MYH9: variants seen among roughly 807,000 people sequenced by gnomAD.
MYH9 encodes the protein myosin heavy chain 9.
A neutral mutation model predicts 241.9 loss-of-function variants in MYH9; 29 were observed. The observed-to-expected ratio is 0.12, with a 90% CI of 0.09 to 0.16. The LOEUF is 0.16. Among genes scored for constraint, MYH9 ranks in the 10% least tolerant of loss-of-function variants. The pLI is 1.00. For missense variants in MYH9, 1,803 were observed against 2,595.5 expected (o/e 0.69, Z 6.63); for synonymous variants, 1,047 against 1,062.6 (o/e 0.99, Z 0.29).
chr22:36,312,807 C>T (rs1204056602), intron 13 of MYH9, among the ~76,000 whole-genome samples: 3 of 152,212 alleles, frequency 2.0e-5, no homozygotes, highest in Non-Finnish European at 4.4e-5. Flanking sequence ...GAAAAAAGCT[C>T]ATTACAAAAG....
Position 36,360,603 on chromosome 22 carries a change from C to T in MYH9, c.-19-11348G>A, listed in dbSNP as rs190058483. On this transcript the variant is annotated intron_variant, in intron 1 of 40. Coordinates refer to ENST00000216181, the MANE Select transcript of MYH9 (RefSeq NM_002473.6). ...TGGCGGGCACCTGTAGTCCCAGCTACTCTGGAGGCTGAGGCAGGAGAATGG... is the reference window on the plus strand; with the variant it reads ...TGGCGGGCACCTGTAGTCCCAGCTATTCTGGAGGCTGAGGCAGGAGAATGG... Among the ~76,000 whole-genome samples, 165 of 151,716 alleles carry T rather than the reference C, an allele frequency of 1.1e-3. 1 individual carries two copies. The highest frequency in any genetic ancestry group is 2.1e-3 in the East Asian group (11 of 5,152).
intron 1 of MYH9, among the ~76,000 whole-genome samples, chr22:36,369,490 G>A (rs770652407): frequency 2.0e-5 from 3 of 152,196 alleles, no homozygotes; most frequent in Admixed American, 6.5e-5. Context: ...ACGAGGGGGC[G>A]GTATCCATTC....
rs2016775758 is a variant in MYH9 at position 36,295,577 on chromosome 22, C to T, written c.3413G>A (p.Gly1138Glu). 1.2e-6 allele frequency: 2 copies of T among 1,614,020 alleles called. No individual in the cohort carries two copies. The highest frequency in any genetic ancestry group is 1.7e-6 in the Non-Finnish European group (2 of 1,180,034). ...TGTTTTCAGAGCCTCTAGCTCTTCCCCAAGGTCCCGTTTCTGCTTCTCAGC... is the reference window on the plus strand; with the variant it reads ...TGTTTTCAGAGCCTCTAGCTCTTCCTCAAGGTCCCGTTTCTGCTTCTCAGC... ...NKAEKQKRDL[G>E]EELEALKTEL... The change falls in exon 26 of 41, where the codon GGG becomes GAG. Residue 1138 changes from glycine (G) to glutamate (E), a missense_variant. Around this residue, in one of 11 missense-constraint regions of MYH9, gnomAD observed 11 missense variants for 37.1 expected, o/e 0.30. Transcript: ENST00000216181. This position sits in a 1 kb window ranked among gnomAD's most constrained non-coding sequence, Gnocchi z 4.1.
chr22:36,327,949 T>C (rs1603483584), intron 3 of MYH9, among the ~76,000 whole-genome samples: 1 of 151,952 alleles, frequency 6.6e-6, no homozygotes, highest in African/African-American at 2.4e-5. Flanking sequence ...GAAGGAGGGG[T>C]GACGAGGCCT....
At chr22:36,292,503 C>T (rs2016722438) in intron 30 of MYH9, among the ~76,000 whole-genome samples, 1 of 152,234 alleles carries the variant, frequency 6.6e-6, no homozygotes, top group Non-Finnish European at 1.5e-5. Flanking sequence ...CACATCCACA[C>T]CAAGCCTCTT....
Position 36,327,438 on chromosome 22 carries a change from T to C in MYH9, c.518+23A>G, listed in dbSNP as rs144857384. 794 of 1,613,840 alleles carry C rather than the reference T, an allele frequency of 4.9e-4. 8 individuals carry two copies. The African/African-American group carries it at 8.7e-3, about 18-fold the overall frequency. ...AACAGACTGGGGTGAAACGAACCAC[T>C]ACCCAGACGGAGAAATACTTACGTG... On this transcript the variant is annotated intron_variant, in intron 4 of 40. Transcript: ENST00000216181.
At chr22:36,358,447 G>A (rs1363440553) in intron 1 of MYH9, among the ~76,000 whole-genome samples, 1 of 152,018 alleles carries the variant, frequency 6.6e-6, no homozygotes. Flanking sequence ...TGGGACAGCC[G>A]GATTATTTCC....
In MYH9 at chr22:36,326,604, C is replaced by T. The variant is rs369880291; in HGVS notation, c.576G>A (p.Ala192=). Residue 192 remains alanine, a synonymous_variant, in exon 5 of 41, where the codon GCG becomes GCA. Coordinates refer to ENST00000216181, the MANE Select transcript of MYH9 (RefSeq NM_002473.6). ...ENTKKVIQYL[A]YVASSHKSKK... ...TGCTCTTGTGCGAGGACGCCACGTA[C>T]GCCAGATACTGGATGACCTTCTTGG... is the stretch of plus-strand genomic sequence containing the variant. 21 of 1,614,130 alleles carry T rather than the reference C, an allele frequency of 1.3e-5. No homozygotes were observed. The highest frequency in any genetic ancestry group is 9.9e-5 in the South Asian group (9 of 91,086).
rs751641404 is a variant in MYH9 at position 36,292,094 on chromosome 22, C to T, written c.4236G>A (p.Glu1412=). 7.0e-5 allele frequency: 113 copies of T among 1,614,092 alleles called. 1 individual carries two copies. In the Admixed American group the frequency reaches 1.4e-3, roughly 20 times the overall value. The part of the protein sequence containing the change: ...EEKVAAYDKL[E]KTKTRLQQEL... ...CCTGCTGCAGCCGCGTCTTGGTCTT[C>T]TCCAGCTTGTCGTAGGCGGCCACCT... The change falls in exon 31 of 41, where the codon GAG becomes GAA. Residue 1412 remains glutamate, a synonymous_variant. Coordinates refer to ENST00000216181, the MANE Select transcript of MYH9 (RefSeq NM_002473.6).
intron 3 of MYH9, among the ~76,000 whole-genome samples, chr22:36,335,255 G>C: frequency 6.6e-6 from 1 of 152,248 alleles, no homozygotes; most frequent in East Asian, 1.9e-4. Flanking sequence ...CACAGTAGGT[G>C]CTCAGCTCAG....
chr22:36,295,986 T>C lies in MYH9; in HGVS notation c.3273-269A>G, dbSNP rs373540269. ...TCAAATATTTTTAAAAGTCAAATGA[T>C]GTGTTAAATGGGAAGAAAAGGAAAT... On this transcript the variant is annotated intron_variant, in intron 25 of 40. Transcript: ENST00000216181. This position sits in a 1 kb window ranked among gnomAD's most constrained non-coding sequence, Gnocchi z 4.1. Among the ~76,000 whole-genome samples the C allele has an allele frequency of 2.6e-5, 4 of 152,296 alleles. No homozygotes were observed. Among genetic ancestry groups the C allele is most frequent in the East Asian group, 3.9e-4 (2 of 5,182 alleles).
chr22:36,326,360 A>C (rs944794011), intron 5 of MYH9, among the ~76,000 whole-genome samples: 9 of 152,250 alleles, frequency 5.9e-5, no homozygotes, highest in African/African-American at 9.6e-5. Flanking sequence ...TCAGAAGGCT[A>C]GGAGGCCAAG....
intron 1 of MYH9, among the ~76,000 whole-genome samples, chr22:36,379,118 T>C (rs1231500138): frequency 6.6e-6 from 1 of 152,214 alleles, no homozygotes; most frequent in Non-Finnish European, 1.5e-5. Flanking sequence ...AGAGTTAAAA[T>C]GCAAGAAGAA....
chr22:36,382,511 T>C (rs1286643830), intron 1 of MYH9, among the ~76,000 whole-genome samples: 2 of 147,248 alleles, frequency 1.4e-5, no homozygotes, highest in African/African-American at 2.5e-5. Flanking sequence ...AAATTAAAAT[T>C]ACTTGATTTT....
At chr22:36,324,941 C>A in intron 5 of MYH9, 1 of 648,614 alleles carries the variant, frequency 1.5e-6, no homozygotes, top group Admixed American at 2.4e-5. Context: ...ATCTATTTCA[C>A]TGCTCTCCGT....
intron 9 of MYH9, 109 bp from the exon 10 acceptor site, chr22:36,319,744 CACCCCCCA>C (rs2017219825): frequency 9.3e-7 from 1 of 1,076,168 alleles, no homozygotes; most frequent in African/African-American, 1.6e-5. Flanking sequence ...CAAGCAGGGA[CACCCCCCA>C]ACTCCCTGGG....
At chr22:36,298,706 G>A (rs1245847382) in intron 24 of MYH9, among the ~76,000 whole-genome samples, 3 of 152,254 alleles carry the variant, frequency 2.0e-5, no homozygotes, top group Admixed American at 2.0e-4. Context: ...GAGCAACAGG[G>A]GCCTGGAGGC....
At position 36,374,414 on chromosome 22, in the gene MYH9, G is replaced by T. The variant is rs779304861; in HGVS notation, c.-20+13393C>A. Among the ~76,000 whole-genome samples the T allele has an allele frequency of 7.9e-5, 12 of 152,352 alleles. No homozygotes were observed. The South Asian group carries it at 2.1e-3, about 26-fold the overall frequency. On this transcript the variant is annotated intron_variant, in intron 1 of 40. Coordinates refer to ENST00000216181, the MANE Select transcript of MYH9 (RefSeq NM_002473.6). Reference sequence around the variant, plus strand: ...ACGCGCCTGTAATCCCGGCTACTCGGGAGGCTGAGGCAGGAGGATTGCTTG... The same window carrying T: ...ACGCGCCTGTAATCCCGGCTACTCGTGAGGCTGAGGCAGGAGGATTGCTTG...
intron 14 of MYH9, among the ~76,000 whole-genome samples, chr22:36,310,929 T>C (rs2017053347): frequency 6.6e-6 from 1 of 152,226 alleles, no homozygotes; most frequent in Non-Finnish European, 1.5e-5. Flanking sequence ...TTTGGCTTTA[T>C]TATTTTTTTC....
Sources: allele counts gnomAD v4.1 joint callset (sites outside exome capture counted in the v4.1 genomes callset), GRCh38; gene constraint gnomAD v4.1.1; regional missense constraint gnomAD v4.1.1; non-coding constraint Gnocchi (gnomAD v3.1); transcripts MANE v1.5; gene names NCBI Gene and HGNC (gene_info 2026-07-23, HGNC 2026-07-21).